Variants in STPG2 observed in about 807,000 individuals in gnomAD.
STPG2 encodes the protein sperm tail PG-rich repeat containing 2.
STPG2 carries 56 observed loss-of-function variants against 54.2 expected under a neutral mutation model. The observed-to-expected ratio is 1.03, with a 90% CI of 0.83 to 1.29. The LOEUF is 1.29. Ranked by LOEUF, STPG2 falls within the 50% of genes most tolerant of loss-of-function variation. The pLI is 0.00. For synonymous variants in STPG2, 200 were observed against 181.8 expected (o/e 1.10, Z -0.81); for missense variants, 596 against 544.9 (o/e 1.09, Z -0.93).
intron 10 of STPG2, among the ~76,000 whole-genome samples, chr4:97,578,437 G>T (rs188253859): frequency 6.6e-6 from 1 of 152,134 alleles, no homozygotes; most frequent in Admixed American, 6.5e-5. Context: ...TACTTCAATT[G>T]CATCTGAAGA....
chr4:97,519,241 T>C (rs1402107088), intron 4 of STPG2, among the ~76,000 whole-genome samples: 1 of 152,018 alleles, frequency 6.6e-6, no homozygotes, highest in Non-Finnish European at 1.5e-5. Flanking sequence ...CTTTTCACTA[T>C]CCACCACAGG....
intron 10 of STPG2, among the ~76,000 whole-genome samples, chr4:97,655,693 T>C (rs1722201807): frequency 6.6e-6 from 1 of 152,138 alleles, no homozygotes; most frequent in Non-Finnish European, 1.5e-5. Context: ...GAATTATTTA[T>C]TTCCTATTTC....
chr4:97,964,684 C>T (rs775716170), intron 7 of STPG2, among the ~76,000 whole-genome samples: 5 of 152,126 alleles, frequency 3.3e-5, no homozygotes, highest in Non-Finnish European at 7.4e-5. Context: ...ACAATTCTTA[C>T]CTTTAAATTG....
intron 10 of STPG2, among the ~76,000 whole-genome samples, chr4:97,647,719 C>T (rs574755768): frequency 1.3e-5 from 2 of 152,256 alleles, no homozygotes; most frequent in African/African-American, 4.8e-5. Flanking sequence ...CAAAATGACA[C>T]TAAGCATTTG....
intron 8 of STPG2, among the ~76,000 whole-genome samples, chr4:97,933,547 G>A (rs1732630009): frequency 6.6e-6 from 1 of 152,156 alleles, no homozygotes; most frequent in Admixed American, 6.5e-5. Context: ...TGTATAAGGT[G>A]TAAGGAAGGG....
intron 7 of STPG2, among the ~76,000 whole-genome samples, chr4:97,960,583 T>A (rs1733847233): frequency 6.6e-6 from 1 of 151,780 alleles, no homozygotes; most frequent in Admixed American, 6.6e-5. Context: ...AATCAAGAAC[T>A]CAAACTTTTT....
intron 10 of STPG2, among the ~76,000 whole-genome samples, chr4:97,585,037 A>G (rs1732955861): frequency 6.6e-6 from 1 of 150,592 alleles, no homozygotes; most frequent in Non-Finnish European, 1.5e-5. Flanking sequence ...CCCTAATACT[A>G]AAACCAGGAA....
At chr4:97,923,889 T>C (rs987713224) in intron 8 of STPG2, among the ~76,000 whole-genome samples, 3 of 152,236 alleles carry the variant, frequency 2.0e-5, no homozygotes, top group East Asian at 3.9e-4. Context: ...CAGCTCTCTG[T>C]AAAACAGACC....
At chr4:97,980,694 A>C (rs184047087) in intron 6 of STPG2, among the ~76,000 whole-genome samples, 1 of 152,330 alleles carries the variant, frequency 6.6e-6, no homozygotes. Context: ...AGATGCCCAG[A>C]ACTGTATGTC....
intron 5 of STPG2, among the ~76,000 whole-genome samples, chr4:98,056,882 AG>A (rs1225106853): frequency 6.6e-6 from 1 of 152,132 alleles, no homozygotes; most frequent in Non-Finnish European, 1.5e-5. Flanking sequence ...CATGTGAAGA[AG>A]GTGCTTGCTT....
At chr4:97,883,041 A>T (rs899097876) in intron 8 of STPG2, among the ~76,000 whole-genome samples, 1 of 151,820 alleles carries the variant, frequency 6.6e-6, no homozygotes, top group Admixed American at 6.6e-5. Flanking sequence ...AAAGCAAGCC[A>T]GTCATGGTGG....
chr4:98,046,643 A>C (rs1190505505), intron 5 of STPG2, among the ~76,000 whole-genome samples: 1 of 152,310 alleles, frequency 6.6e-6, no homozygotes, highest in East Asian at 1.9e-4. Context: ...CGGCCAAAAA[A>C]GTTGAGGAGT....
At chr4:97,569,682 T>A in intron 10 of STPG2, among the ~76,000 whole-genome samples, 1 of 152,130 alleles carries the variant, frequency 6.6e-6, no homozygotes, top group East Asian at 1.9e-4. Context: ...TTGAAATTAG[T>A]GGCAGGGTTG....
intron 5 of STPG2, among the ~76,000 whole-genome samples, chr4:98,103,221 C>T (rs1388930687): frequency 6.6e-6 from 1 of 152,006 alleles, no homozygotes; most frequent in Non-Finnish European, 1.5e-5. Flanking sequence ...CATAATTTCA[C>T]CACTTTGAGT....
At chr4:97,700,403 G>A (rs929364491) in intron 10 of STPG2, among the ~76,000 whole-genome samples, 3 of 152,186 alleles carry the variant, frequency 2.0e-5, no homozygotes, top group East Asian at 1.9e-4. Flanking sequence ...ATCCCAATAG[G>A]TGCAGTAGGC....
chr4:97,831,855 T>C (rs891443719), intron 9 of STPG2, among the ~76,000 whole-genome samples: 2 of 152,048 alleles, frequency 1.3e-5, no homozygotes, highest in Admixed American at 6.6e-5. Context: ...CAATAACAAG[T>C]TCTGAAATTG....
At chr4:97,716,478 G>T (rs939702830) in intron 9 of STPG2, among the ~76,000 whole-genome samples, 30 of 152,116 alleles carry the variant, frequency 2.0e-4, no homozygotes, top group Non-Finnish European at 3.7e-4. Flanking sequence ...ACTAGATAAA[G>T]AAAATGTGGC....
chr4:97,725,268 G>A (rs1005387044), intron 9 of STPG2, among the ~76,000 whole-genome samples: 1 of 151,724 alleles, frequency 6.6e-6, no homozygotes, highest in Non-Finnish European at 1.5e-5. Context: ...TGCTGAAAGG[G>A]AGACCAAGAA....
intron 8 of STPG2, among the ~76,000 whole-genome samples, chr4:97,923,016 A>G (rs941690966): frequency 1.3e-4 from 20 of 152,200 alleles, no homozygotes; most frequent in Admixed American, 1.2e-3. Context: ...CAACTATATA[A>G]AACTGTTAGT....
Sources: gnomAD v4.1 joint callset for allele counts (sites outside exome capture counted in the v4.1 genomes callset) on GRCh38, gnomAD v4.1.1 for gene constraint, MANE v1.5 for transcripts, NCBI Gene and HGNC (gene_info 2026-07-23, HGNC 2026-07-21) for gene names.